SLMAP: variants seen among roughly 807,000 people sequenced by gnomAD.
SLMAP encodes the protein sarcolemma associated protein.
A neutral mutation model predicts 128.8 loss-of-function variants in SLMAP; 44 were observed. The ratio of observed to expected loss-of-function variants is 0.34; its 90% CI spans 0.27 to 0.44. The LOEUF (loss-of-function observed/expected upper bound fraction) is 0.44. SLMAP is among the 20% of genes least tolerant of loss of function. SLMAP has a pLI of 1.00. For missense variants in SLMAP, 787 were observed against 985.3 expected (o/e 0.80, Z 2.69); for synonymous variants, 327 against 348.8 (o/e 0.94, Z 0.70).
chr3:57,894,451 C>T (rs1160995658), intron 15 of SLMAP, among the ~76,000 whole-genome samples: 1 of 152,142 alleles, frequency 6.6e-6, no homozygotes, highest in Non-Finnish European at 1.5e-5. Context: ...TTATGTATCG[C>T]ATATGTGCTG....
intron 2 of SLMAP, among the ~76,000 whole-genome samples, chr3:57,809,065 A>G (rs1457855662): frequency 6.6e-6 from 1 of 152,168 alleles, no homozygotes; most frequent in Non-Finnish European, 1.5e-5. Flanking sequence ...TGGTGGAGGC[A>G]GGGAGCGGGC....
chr3:57,858,678 C>A (rs553094103), intron 8 of SLMAP, among the ~76,000 whole-genome samples: 1 of 152,172 alleles, frequency 6.6e-6, no homozygotes. Context: ...CGCAGTGGCT[C>A]ACACCTATAA....
At chr3:57,806,530 CG>C (rs2089910922) in intron 2 of SLMAP, among the ~76,000 whole-genome samples, 1 of 152,026 alleles carries the variant, frequency 6.6e-6, no homozygotes, top group Non-Finnish European at 1.5e-5. Context: ...CTCCGCCTCC[CG>C]GGTTCAAGCA....
chr3:57,854,773 T>C (rs140749857), intron 6 of SLMAP, among the ~76,000 whole-genome samples: 3,581 of 152,336 alleles, frequency 0.024, 67 homozygotes, highest in Non-Finnish European at 0.035. Context: ...GATGTATATA[T>C]TTCACATATA....
intron 2 of SLMAP, among the ~76,000 whole-genome samples, chr3:57,831,014 T>A (rs1398801087): frequency 6.6e-6 from 1 of 152,194 alleles, no homozygotes; most frequent in Non-Finnish European, 1.5e-5. Flanking sequence ...TTTTTGGCTA[T>A]TATGAATAAT....
chr3:57,879,398 C>G (rs1230901526), intron 14 of SLMAP, among the ~76,000 whole-genome samples: 1 of 152,118 alleles, frequency 6.6e-6, no homozygotes, highest in Non-Finnish European at 1.5e-5. Flanking sequence ...ACAGAGATGC[C>G]TGTGCATCAG....
chr3:57,760,024 C>T (rs1391109835), intron 2 of SLMAP, among the ~76,000 whole-genome samples: 1 of 152,204 alleles, frequency 6.6e-6, no homozygotes, highest in Non-Finnish European at 1.5e-5. Context: ...ACTGCAACGT[C>T]TGCCTCCTGG....
intron 2 of SLMAP, among the ~76,000 whole-genome samples, chr3:57,766,371 T>TTC (rs1437796771): frequency 2.0e-5 from 3 of 152,048 alleles, no homozygotes; most frequent in African/African-American, 7.2e-5. Context: ...TTTATTCTTT[T>TTC]TGGTAAGTAG....
intron 10 of SLMAP, among the ~76,000 whole-genome samples, chr3:57,863,016 G>T (rs995756918): frequency 1.1e-4 from 16 of 152,128 alleles, no homozygotes; most frequent in African/African-American, 3.9e-4. Flanking sequence ...ATGAGAATCA[G>T]CAAAACCCAT....
At chr3:57,861,850 T>A in intron 9 of SLMAP, 99 bp from the exon 10 acceptor site, 1 of 1,005,112 alleles carries the variant, frequency 9.9e-7, no homozygotes, top group Non-Finnish European at 1.5e-6. Context: ...TTTAGAATAG[T>A]CCATAGAATT....
intron 23 of SLMAP, 97 bp downstream of exon 23, chr3:57,923,120 T>C: frequency 9.1e-7 from 1 of 1,103,298 alleles, no homozygotes; most frequent in Non-Finnish European, 1.3e-6. Context: ...GTGAAGCAAA[T>C]GGTACAGATG....
At chr3:57,857,916 G>A in intron 7 of SLMAP, 88 bp downstream of exon 7, 1 of 1,027,598 alleles carries the variant, frequency 9.7e-7, no homozygotes, top group East Asian at 2.5e-5. Flanking sequence ...AGCAAACAAA[G>A]ACAAAGTTAT....
At chr3:57,826,131 T>C (rs968983408) in intron 2 of SLMAP, among the ~76,000 whole-genome samples, 1 of 152,214 alleles carries the variant, frequency 6.6e-6, no homozygotes, top group African/African-American at 2.4e-5. Flanking sequence ...GTGAGCCTTC[T>C]AATTTGTATT....
chr3:57,822,032 T>C (rs1348715547), intron 2 of SLMAP, among the ~76,000 whole-genome samples: 1 of 152,142 alleles, frequency 6.6e-6, no homozygotes, highest in Non-Finnish European at 1.5e-5. Flanking sequence ...CCCACCAGGC[T>C]CTCAGGATTT....
At chr3:57,776,117 G>A (rs1017166624) in intron 2 of SLMAP, among the ~76,000 whole-genome samples, 13 of 152,284 alleles carry the variant, frequency 8.5e-5, no homozygotes, top group African/African-American at 2.9e-4. Context: ...GATAATAGTA[G>A]CAGTTAGTTG....
At chr3:57,900,624 T>G (rs2096356096) in intron 17 of SLMAP, 1 of 152,864 alleles carries the variant, frequency 6.5e-6, no homozygotes, top group African/African-American at 2.4e-5. Context: ...GAGACCAGCC[T>G]GGGCAACATG....
rs201042108 is a variant in SLMAP, at chr3:57,777,719, A to T, written c.198+19870A>T. Among the ~76,000 whole-genome samples the T allele has an allele frequency of 5.9e-5, 9 of 152,386 alleles. No homozygotes were observed. In the East Asian group the frequency reaches 1.7e-3, roughly 29 times the overall value. On this transcript the variant is annotated intron_variant, in intron 2 of 24. Transcript: ENST00000671191. ...AAAGACAACCCAACAGAAAAGAAAC[A>T]GTCAAAAGACACACATAAGAATTTC...
intron 2 of SLMAP, among the ~76,000 whole-genome samples, chr3:57,825,906 G>A (rs2092893533): frequency 1.3e-5 from 2 of 152,006 alleles, no homozygotes; most frequent in African/African-American, 4.8e-5. Flanking sequence ...GTTTACTTGG[G>A]TGCTGTAAAC....
chr3:57,824,277 T>C (rs1031421816), intron 2 of SLMAP, among the ~76,000 whole-genome samples: 1 of 152,066 alleles, frequency 6.6e-6, no homozygotes, highest in African/African-American at 2.4e-5. Context: ...AAGGGACTTA[T>C]GAGAAGACAT....
Sources: allele counts gnomAD v4.1 joint callset (sites outside exome capture counted in the v4.1 genomes callset), GRCh38; gene constraint gnomAD v4.1.1; transcripts MANE v1.5; gene names NCBI Gene and HGNC (gene_info 2026-07-23, HGNC 2026-07-21).